CHD6: variants seen among roughly 807,000 people sequenced by gnomAD.
CHD6 encodes chromodomain helicase DNA binding protein 6.
Under a neutral mutation model 276.9 loss-of-function variants are expected in CHD6, and 50 were observed. The ratio of observed to expected loss-of-function variants is 0.18; its 90% CI spans 0.14 to 0.23. The LOEUF is 0.23. Among genes scored for constraint, CHD6 ranks in the 10% least tolerant of loss-of-function variants. The probability of loss-of-function intolerance (pLI) is 1.00; values close to 1 mark genes in which losing one functional copy is unlikely to be tolerated. For missense variants in CHD6, 2,564 were observed against 3,365.8 expected (o/e 0.76, Z 5.89); for synonymous variants, 1,173 against 1,229.3 (o/e 0.95, Z 0.96).
At chr20:41,577,794 A>G (rs2045490828) in intron 1 of CHD6, among the ~76,000 whole-genome samples, 1 of 152,252 alleles carries the variant, frequency 6.6e-6, no homozygotes, top group South Asian at 2.1e-4. Context: ...CCTCTCTTGG[A>G]GTACAAATTC....
chr20:41,493,980 T>C, intron 8 of CHD6, 36 bp from the exon 9 acceptor site: 1 of 1,514,136 alleles, frequency 6.6e-7, no homozygotes, highest in Non-Finnish European at 9.2e-7. Flanking sequence ...AGGAAGTATG[T>C]CCCCTTGCCT....
In CHD6 at chr20:41,457,330, G is replaced by A. The variant is rs2048406227; in HGVS notation, c.2763C>T (p.Ala921=). ...CCTTGTCCAGCCCCAGCTTTAGGCTGGCCTTGTCAAACATCTCGCGCTCGT... is the reference window on the plus strand; with the variant it reads ...CCTTGTCCAGCCCCAGCTTTAGGCTAGCCTTGTCAAACATCTCGCGCTCGT... ...NSYEREMFDK[A]SLKLGLDKAV... is the part of the protein sequence containing the mutation. Residue 921 remains alanine (A), a synonymous_variant, in exon 18 of 37, where the codon GCC becomes GCT. Transcript: ENST00000373233. The A allele has an allele frequency of 1.2e-6, 2 of 1,614,026 alleles. No homozygotes were observed. The highest frequency in any genetic ancestry group is 1.7e-6 in the Non-Finnish European group (2 of 1,180,000).
chr20:41,451,698 TG>T, intron 22 of CHD6, 127 bp downstream of exon 22: 1 of 786,534 alleles, frequency 1.3e-6, no homozygotes, highest in Non-Finnish European at 2.1e-6. Context: ...CTTTTCCCAC[TG>T]GTAACATTCT....
chr20:41,462,809 T>C (rs550129591), intron 17 of CHD6, among the ~76,000 whole-genome samples: 17 of 152,244 alleles, frequency 1.1e-4, no homozygotes, highest in Admixed American at 1.1e-3. Flanking sequence ...TGCATATTTA[T>C]AGTCTCTCTT....
chr20:41,579,496 C>T (rs143037774), intron 1 of CHD6, among the ~76,000 whole-genome samples: 85 of 149,540 alleles, frequency 5.7e-4, no homozygotes, highest in Middle Eastern at 3.5e-3. Context: ...GAACTCATAA[C>T]CAGTCCTAAG....
At chr20:41,530,140 C>G (rs141234710) in intron 3 of CHD6, among the ~76,000 whole-genome samples, 13 of 152,284 alleles carry the variant, frequency 8.5e-5, no homozygotes, top group Non-Finnish European at 1.5e-4. Context: ...CTGATGGTGG[C>G]CACAAGCTAA....
At chr20:41,416,176 G>C (rs998610022) in intron 33 of CHD6, among the ~76,000 whole-genome samples, 1 of 152,178 alleles carries the variant, frequency 6.6e-6, no homozygotes, top group Non-Finnish European at 1.5e-5. Flanking sequence ...TTAGAGCTCA[G>C]TTCTCTAAGG....
chr20:41,418,185 C>A (rs1029302311), intron 31 of CHD6, among the ~76,000 whole-genome samples: 1 of 152,204 alleles, frequency 6.6e-6, no homozygotes, highest in Non-Finnish European at 1.5e-5. Flanking sequence ...AGACAGATAC[C>A]GCCCAGGTCC....
intron 1 of CHD6, among the ~76,000 whole-genome samples, chr20:41,608,136 C>T (rs1010739919): frequency 1.3e-5 from 2 of 152,058 alleles, no homozygotes; most frequent in African/African-American, 4.8e-5. Context: ...TCCTAATAAC[C>T]CTAAGTCATA....
chr20:41,452,823 C>T lies in CHD6; in HGVS notation c.3240G>A (p.Thr1080=), dbSNP rs757277388. ...ELDSDSDERP[T]RSRRLNDKAR... ...CTTTGTCATTGAGGCGCCTGGATCT[C>T]GTGGGCCTTTCGTCTGAGTCGCTGT... is the stretch of plus-strand genomic sequence containing the variant. The change falls in exon 21 of 37, where the codon ACG becomes ACA. Residue 1080 remains threonine, a synonymous_variant. Coordinates refer to ENST00000373233, the MANE Select transcript of CHD6 (RefSeq NM_032221.5). The surrounding 1 kb of genome is among the most constrained non-coding windows in gnomAD (Gnocchi z 4.2). 5.0e-6 allele frequency: 8 copies of T among 1,613,484 alleles called. No individual in the cohort carries two copies. Among genetic ancestry groups the T allele is most frequent in the East Asian group, 2.2e-5 (1 of 44,848 alleles).
intron 1 of CHD6, among the ~76,000 whole-genome samples, chr20:41,617,499 A>T (rs1356530354): frequency 6.6e-6 from 1 of 152,250 alleles, no homozygotes; most frequent in Non-Finnish European, 1.5e-5. Context: ...CGCCTTTAAA[A>T]AAAACCAAGT....
chr20:41,404,525 G>C lies in CHD6; in HGVS notation c.*68C>G. 1 of 1,442,042 alleles carries C rather than the reference G, an allele frequency of 6.9e-7. No homozygotes were observed. The allele number at this position is 1,442,042 out of a possible 1,614,324, so 89.3% of individuals were successfully genotyped here. On this transcript the variant is annotated 3_prime_UTR_variant, in exon 37 of 37. Coordinates refer to ENST00000373233, the MANE Select transcript of CHD6 (RefSeq NM_032221.5). ...ACAGGTTCTTATGGAGGTGAAGTGA[G>C]GGAAGTAACAAACCTTTATGGGATA...
At chr20:41,457,868 C>T (rs563755835) in intron 17 of CHD6, among the ~76,000 whole-genome samples, 56 of 152,244 alleles carry the variant, frequency 3.7e-4, no homozygotes, top group African/African-American at 9.9e-4. Flanking sequence ...TGACCTCTTA[C>T]GGACAATCTC....
intron 2 of CHD6, among the ~76,000 whole-genome samples, chr20:41,534,154 G>A (rs1364637149): frequency 6.6e-6 from 1 of 152,198 alleles, no homozygotes; most frequent in East Asian, 1.9e-4. Context: ...GCTAAGGTTG[G>A]TGATAGTCGG....
chr20:41,474,852 T>C (rs368882899), intron 16 of CHD6, among the ~76,000 whole-genome samples: 3 of 152,202 alleles, frequency 2.0e-5, no homozygotes, highest in African/African-American at 4.8e-5. Flanking sequence ...AAGGGACATG[T>C]ATAAAGCAAA....
At chr20:41,436,852 TAA>T (rs2047725045) in intron 27 of CHD6, among the ~76,000 whole-genome samples, 1 of 152,110 alleles carries the variant, frequency 6.6e-6, no homozygotes, top group African/African-American at 2.4e-5. Context: ...GCCAGGAATT[TAA>T]AGAGGGGTGA....
rs770784467 is a variant in CHD6, at chr20:41,420,965, T to C, written c.5670A>G (p.Val1890=). The change falls in exon 31 of 37, where the codon GTA becomes GTG. Residue 1890 remains valine (V), a synonymous_variant. Transcript: ENST00000373233. Reference sequence around the variant, plus strand: ...TAGTAGTGGGCTCCGTGAGATGCAATACCTCTGGCCTTTCCCCCATGCCTA... The same window carrying C: ...TAGTAGTGGGCTCCGTGAGATGCAACACCTCTGGCCTTTCCCCCATGCCTA... ...MAVGMGERPE[V]LHLTEPTTNI... The C allele has an allele frequency of 1.5e-5, 24 of 1,614,246 alleles. No homozygotes were observed. Among genetic ancestry groups the C allele is most frequent in the Admixed American group, 1.7e-5 (1 of 60,026 alleles).
At chr20:41,546,158 A>AAAC (rs1555805270) in intron 2 of CHD6, among the ~76,000 whole-genome samples, 2 of 151,738 alleles carry the variant, frequency 1.3e-5, no homozygotes, top group African/African-American at 4.9e-5. Flanking sequence ...AAAACTCAAC[A>AAAC]AATTGTTCAG....
At chr20:41,409,932 A>ATG (rs2046793473) in intron 36 of CHD6, among the ~76,000 whole-genome samples, 1 of 152,196 alleles carries the variant, frequency 6.6e-6, no homozygotes. Context: ...TATTAAGTAT[A>ATG]TGTGTGTGTA....
Sources: gnomAD v4.1 joint callset for allele counts (sites outside exome capture counted in the v4.1 genomes callset) on GRCh38, gnomAD v4.1.1 for gene constraint, Gnocchi (gnomAD v3.1) non-coding constraint, MANE v1.5 for transcripts, NCBI Gene and HGNC (gene_info 2026-07-23, HGNC 2026-07-21) for gene names.